Variants in HTRA3 observed in about 807,000 individuals in gnomAD.
The protein encoded by HTRA3 is serine protease HTRA3.
HTRA3 carries 41 observed loss-of-function variants against 43.2 expected under a neutral mutation model. The ratio of observed to expected loss-of-function variants is 0.95; its 90% CI spans 0.74 to 1.23. The LOEUF is 1.23. Ranked by LOEUF, HTRA3 falls within the 50% of genes most tolerant of loss-of-function variation. The pLI, the probability that HTRA3 is intolerant of heterozygous loss-of-function variation, is 0.00. For missense variants in HTRA3, 628 were observed against 647.1 expected (o/e 0.97, Z 0.32); for synonymous variants, 295 against 287.9 (o/e 1.02, Z -0.25).
intron 5 of HTRA3, among the ~76,000 whole-genome samples, chr4:8,292,981 C>T (rs1296736104): frequency 6.6e-6 from 1 of 152,050 alleles, no homozygotes; most frequent in Non-Finnish European, 1.5e-5. Flanking sequence ...GAGGTGAGAG[C>T]ATTATACAAC....
chr4:8,279,589 T>G lies in HTRA3; in HGVS notation c.386-2848T>G, dbSNP rs1214774794. 1.3e-5 allele frequency among the ~76,000 whole-genome samples: 2 copies of G among 152,070 alleles called. No homozygotes were observed. Among genetic ancestry groups the G allele is most frequent in the Admixed American group, 1.3e-4 (2 of 15,276 alleles). On this transcript the variant is annotated intron_variant, in intron 1 of 8. Coordinates refer to ENST00000307358, the MANE Select transcript of HTRA3 (RefSeq NM_053044.5). This position sits in a 1 kb window ranked among gnomAD's most constrained non-coding sequence, Gnocchi z 7.4. ...CCAGAGAGCTTTCCGGCCCTGGGTG[T>G]TGGAGTGTCTGAGTCCAGGATGGAG... is the stretch of plus-strand genomic sequence containing the variant.
Position 8,295,805 on chromosome 4 carries a change from G to A in HTRA3, c.1051+1604G>A. The A allele has an allele frequency of 2.4e-6, 3 of 1,257,790 alleles. No individual in the cohort carries two copies. The highest frequency in any genetic ancestry group is 2.0e-4 in the Middle Eastern group (1 of 4,912). 77.9% of individuals were successfully genotyped at this position (1,257,790 alleles called of 1,614,324 possible). A position where few individuals can be genotyped will look rare whatever the true frequency, so the allele number is the denominator to read the frequency against. ...CCAGTGCAGCCAAGGCTGGTGCCAT[G>A]AGGGCTGGTCACATGAAGAGCTGCT... On this transcript the variant is annotated intron_variant, in intron 6 of 8. Transcript: ENST00000307358. The surrounding 1 kb of genome is among the most constrained non-coding windows in gnomAD (Gnocchi z 6.9).
Position 8,286,866 on chromosome 4 carries a change from G to A in HTRA3, c.708+83G>A, listed in dbSNP as rs1045756416. The stretch of plus-strand genomic sequence containing the variant: ...CCCAGACGCCGGAACCCAGAGGCAA[G>A]CTAGCCCCACCTTCCATCAGCCAGG... On this transcript the variant is annotated intron_variant, in intron 3 of 8. Transcript: ENST00000307358. The surrounding 1 kb of genome is among the most constrained non-coding windows in gnomAD (Gnocchi z 4.9). 1.4e-5 allele frequency: 15 copies of A among 1,036,876 alleles called. No individual in the cohort carries two copies. The highest frequency in any genetic ancestry group is 1.3e-4 in the African/African-American group (8 of 62,990). The allele number at this position is 1,036,876 out of a possible 1,614,324, so 64.2% of individuals were successfully genotyped here. A position where few individuals can be genotyped will look rare whatever the true frequency, so the allele number is the denominator to read the frequency against.
At chr4:8,276,341 GC>G (rs1712522237) in intron 1 of HTRA3, among the ~76,000 whole-genome samples, 1 of 152,258 alleles carries the variant, frequency 6.6e-6, no homozygotes, top group Non-Finnish European at 1.5e-5. Context: ...GACTGAGTGT[GC>G]TTTGCACGGT....
Position 8,304,259 on chromosome 4 carries a change from G to A in HTRA3, c.1176G>A (p.Ala392=), listed in dbSNP as rs367686402. Residue 392 remains alanine (A), a synonymous_variant, in exon 8 of 9, where the codon GCG becomes GCA. Transcript: ENST00000307358. ...GTGGAATTTATGTGCAAGAGGTTGC[G>A]CCGAATTCACCTTCTCAGAGGTAGG... ...VSSGIYVQEV[A]PNSPSQRGGI... 82 of 1,614,102 alleles carry A rather than the reference G, an allele frequency of 5.1e-5. No individual in the cohort carries two copies. In the East Asian group the frequency reaches 8.0e-4, roughly 16 times the overall value.
chr4:8,275,373 C>T (rs573132658), intron 1 of HTRA3, among the ~76,000 whole-genome samples: 1 of 152,368 alleles, frequency 6.6e-6, no homozygotes, highest in East Asian at 1.9e-4. Context: ...GGCCTCAGGA[C>T]TAAGCATAGC....
At chr4:8,276,158 TG>T (rs1712515773) in intron 1 of HTRA3, among the ~76,000 whole-genome samples, 1 of 152,230 alleles carries the variant, frequency 6.6e-6, no homozygotes, top group African/African-American at 2.4e-5. Flanking sequence ...CAGCACATAA[TG>T]GGCAGAGCAC....
At chr4:8,304,679 C>G (rs546014432) in intron 8 of HTRA3, among the ~76,000 whole-genome samples, 2 of 98,152 alleles carry the variant, frequency 2.0e-5, no homozygotes, top group Admixed American at 3.0e-4. Context: ...TTTTTTGAGA[C>G]AGTCTCCCTC....
rs1712660178 is a variant in HTRA3 at position 8,279,558 on chromosome 4, T to G, written c.386-2879T>G. Reference sequence around the variant, plus strand: ...TTTGGCAAGCAGGGGGTGGACACGTTGGGGTCCAGAGAGCTTTCCGGCCCT... The same window carrying G: ...TTTGGCAAGCAGGGGGTGGACACGTGGGGGTCCAGAGAGCTTTCCGGCCCT... On this transcript the variant is annotated intron_variant, in intron 1 of 8. Coordinates refer to ENST00000307358, the MANE Select transcript of HTRA3 (RefSeq NM_053044.5). The surrounding 1 kb of genome is among the most constrained non-coding windows in gnomAD (Gnocchi z 7.4). Among the ~76,000 whole-genome samples the G allele has an allele frequency of 6.6e-6, 1 of 152,022 alleles. No homozygotes were observed. Among genetic ancestry groups the G allele is most frequent in the Admixed American group, 6.5e-5 (1 of 15,268 alleles).
intron 1 of HTRA3, among the ~76,000 whole-genome samples, chr4:8,275,777 A>G (rs1326086201): frequency 6.6e-6 from 1 of 152,178 alleles, no homozygotes; most frequent in Non-Finnish European, 1.5e-5. Context: ...TCATTGGGGT[A>G]TTGATGTCCT....
chr4:8,286,771 G>C lies in HTRA3; in HGVS notation c.696G>C (p.Lys232Asn). The change falls in exon 3 of 9, where the codon AAG becomes AAC. Residue 232 changes from lysine to asparagine, a missense_variant. Lys to Asn is a moderately conservative substitution (Grantham distance 94, BLOSUM62 0). Transcript: ENST00000307358. This position sits in a 1 kb window ranked among gnomAD's most constrained non-coding sequence, Gnocchi z 4.9. ...AGAAGTCGGACATTGCCACCATCAA[G>C]ATCCATCCCAAGGTGGGTGGGCGTG... ...IDKKSDIATIKIHPKKKLPVL... is the reference protein window; with the variant it reads ...IDKKSDIATINIHPKKKLPVL... The C allele has an allele frequency of 1.2e-6, 2 of 1,613,652 alleles. No homozygotes were observed. Among genetic ancestry groups the C allele is most frequent in the Non-Finnish European group, 1.7e-6 (2 of 1,179,690 alleles).
chr4:8,292,449 T>A (rs1713286603), intron 5 of HTRA3, 96 bp downstream of exon 5: 2 of 1,019,078 alleles, frequency 2.0e-6, no homozygotes, highest in Non-Finnish European at 3.0e-6. Flanking sequence ...CACAATATGG[T>A]CCTAGAACAT....
chr4:8,287,856 C>T (rs568146379), intron 3 of HTRA3, among the ~76,000 whole-genome samples: 3 of 152,288 alleles, frequency 2.0e-5, no homozygotes, highest in East Asian at 1.9e-4. Context: ...GCTAGGACCC[C>T]GGCCTCCCTC....
chr4:8,278,459 C>T (rs947344180), intron 1 of HTRA3, among the ~76,000 whole-genome samples: 1 of 151,388 alleles, frequency 6.6e-6, no homozygotes, highest in Non-Finnish European at 1.5e-5. Context: ...AACTTTGGCT[C>T]GAGGATGGGG....
intron 2 of HTRA3, among the ~76,000 whole-genome samples, chr4:8,282,808 A>G (rs1446056618): frequency 6.6e-6 from 1 of 152,214 alleles, no homozygotes. Flanking sequence ...TGCCCATGCT[A>G]TTGGATACAT....
chr4:8,299,166 A>G (rs1334769039), intron 6 of HTRA3, among the ~76,000 whole-genome samples: 2 of 152,296 alleles, frequency 1.3e-5, no homozygotes, highest in African/African-American at 4.8e-5. Context: ...TCTCTCTGCA[A>G]TGTTTTATAG....
Position 8,287,857 on chromosome 4 carries a change from G to A in HTRA3, c.708+1074G>A, listed in dbSNP as rs979145179. On this transcript the variant is annotated intron_variant, in intron 3 of 8. Transcript: ENST00000307358. Reference sequence around the variant, plus strand: ...GGCTGGCCCGCTCAGCTAGGACCCCGGCCTCCCTCCAGCTTGTTCTTGTCT... The same window carrying A: ...GGCTGGCCCGCTCAGCTAGGACCCCAGCCTCCCTCCAGCTTGTTCTTGTCT... Among the ~76,000 whole-genome samples the A allele has an allele frequency of 3.9e-5, 6 of 152,102 alleles. No individual in the cohort carries two copies. In the East Asian group the frequency reaches 9.6e-4, roughly 24 times the overall value.
chr4:8,277,529 A>G (rs896435865), intron 1 of HTRA3, among the ~76,000 whole-genome samples: 3 of 152,172 alleles, frequency 2.0e-5, no homozygotes, highest in Non-Finnish European at 4.4e-5. Flanking sequence ...TTGCAAAGTC[A>G]GGGTAGGCTC....
At chr4:8,287,564 A>G (rs1713044112) in intron 3 of HTRA3, among the ~76,000 whole-genome samples, 1 of 152,120 alleles carries the variant, frequency 6.6e-6, no homozygotes, top group African/African-American at 2.4e-5. Flanking sequence ...AGAGAGAGTG[A>G]AGTGGGACAT....
Sources: allele counts gnomAD v4.1 joint callset (sites outside exome capture counted in the v4.1 genomes callset), GRCh38; gene constraint gnomAD v4.1.1; non-coding constraint Gnocchi (gnomAD v3.1); transcripts MANE v1.5; gene names NCBI Gene and HGNC (gene_info 2026-07-23, HGNC 2026-07-21).